Variants in MICAL3 observed in about 807,000 individuals in gnomAD.
MICAL3 encodes [F-actin]-monooxygenase MICAL3.
In MICAL3, 62 loss-of-function variants were observed where a neutral mutation model predicts 207.4. The observed-to-expected ratio is 0.30, with a 90% CI of 0.24 to 0.37. MICAL3 has a LOEUF of 0.37. Among genes scored for constraint, MICAL3 ranks in the 10% least tolerant of loss-of-function variants. MICAL3 has a pLI of 1.00. For missense variants in MICAL3, 2,368 were observed against 2,635.6 expected (o/e 0.90, Z 2.22); for synonymous variants, 1,077 against 1,069.3 (o/e 1.01, Z -0.14).
chr22:17,979,714 C>A (rs990261570), intron 1 of MICAL3, among the ~76,000 whole-genome samples: 2 of 151,936 alleles, frequency 1.3e-5, no homozygotes, highest in South Asian at 4.2e-4. Flanking sequence ...ACCAATCAGG[C>A]TGATCTCTGT....
intron 19 of MICAL3, chr22:17,861,967 A>AT (rs1192387626): frequency 1.2e-5 from 12 of 985,340 alleles, no homozygotes; most frequent in Non-Finnish European, 1.4e-5. Context: ...GAATTTTGGC[A>AT]TAAAAAGAAA....
chr22:17,806,307 C>T (rs1310181654), intron 29 of MICAL3, among the ~76,000 whole-genome samples: 1 of 152,206 alleles, frequency 6.6e-6, no homozygotes, highest in Non-Finnish European at 1.5e-5. Context: ...GTCAGCGAGT[C>T]CCTTTATGTA....
intron 1 of MICAL3, among the ~76,000 whole-genome samples, chr22:17,926,209 A>C (rs1932921912): frequency 6.6e-6 from 1 of 152,176 alleles, no homozygotes; most frequent in Non-Finnish European, 1.5e-5. Flanking sequence ...CCCGATATAC[A>C]ATCCAACTTC....
intron 1 of MICAL3, among the ~76,000 whole-genome samples, chr22:17,993,280 C>T (rs1315217685): frequency 1.3e-5 from 2 of 151,546 alleles, no homozygotes; most frequent in African/African-American, 2.4e-5. Context: ...CTTTAAGTTC[C>T]GGGATACATG....
At chr22:17,989,099 T>A (rs563685120) in intron 1 of MICAL3, among the ~76,000 whole-genome samples, 2 of 152,284 alleles carry the variant, frequency 1.3e-5, no homozygotes, top group Admixed American at 6.5e-5. Context: ...CGCTCTGTGT[T>A]CAAACCCCCG....
At chr22:17,951,992 G>A (rs1194115399) in intron 1 of MICAL3, among the ~76,000 whole-genome samples, 5 of 152,070 alleles carry the variant, frequency 3.3e-5, no homozygotes, top group South Asian at 2.1e-4. Context: ...CGACTGTGCC[G>A]GGCGTAAAAT....
chr22:17,906,685 G>C lies in MICAL3; in HGVS notation c.128C>G (p.Pro43Arg). The C allele has an allele frequency of 6.2e-7, 1 of 1,613,952 alleles. No homozygotes were observed. Among genetic ancestry groups the C allele is most frequent in the Middle Eastern group, 1.6e-4 (1 of 6,062 alleles). The change falls in exon 2 of 32, where the codon CCA becomes CGA. Residue 43 changes from proline to arginine, a missense_variant. This residue lies in a region of MICAL3 where 400 missense variants were observed against 547.0 expected (regional missense o/e 0.73). Transcript: ENST00000441493. ...QELCDHLELK[P>R]KDYRSFYHKL... ...GTGATAGAAGGAGCGGTAGTCCTTT[G>C]GCTTTAGTTCCAGGTGGTCACAGAG... is the stretch of plus-strand genomic sequence containing the variant.
intron 1 of MICAL3, among the ~76,000 whole-genome samples, chr22:17,990,438 C>T (rs5992950): frequency 0.017 from 2,636 of 152,284 alleles, 66 homozygotes; most frequent in African/African-American, 0.057. Context: ...CCAGCTGATG[C>T]GTGGGGTGCT....
intron 1 of MICAL3, among the ~76,000 whole-genome samples, chr22:17,946,591 A>G (rs900448081): frequency 2.6e-5 from 4 of 152,202 alleles, no homozygotes; most frequent in African/African-American, 9.6e-5. Context: ...ACATGCAGAC[A>G]GAGGCACTGC....
intron 19 of MICAL3, among the ~76,000 whole-genome samples, chr22:17,855,114 C>T (rs1003361): frequency 0.46 from 70,087 of 152,042 alleles, 17,089 homozygotes; most frequent in African/African-American, 0.62. Flanking sequence ...CTCTCTATGC[C>T]GAACCATGTT....
intron 29 of MICAL3, among the ~76,000 whole-genome samples, chr22:17,792,084 C>T (rs996540564): frequency 2.6e-5 from 4 of 152,222 alleles, no homozygotes; most frequent in African/African-American, 7.2e-5. Context: ...CAAACCTCCC[C>T]CAGGGACGGC....
chr22:17,848,401 C>G (rs534185210), intron 19 of MICAL3, among the ~76,000 whole-genome samples: 1 of 152,160 alleles, frequency 6.6e-6, no homozygotes, highest in East Asian at 1.9e-4. Flanking sequence ...GTGGCTGTTC[C>G]GAAACATTCG....
In MICAL3 at chr22:17,948,912, CA is replaced by C. The variant is rs112234424; in HGVS notation, c.-74-42027del. Among the ~76,000 whole-genome samples the C allele has an allele frequency of 2.6e-3, 282 of 106,534 alleles. 2 individuals carry two copies. The highest frequency in any genetic ancestry group is 6.3e-3 in the Middle Eastern group (1 of 158). 69.9% of individuals were successfully genotyped at this position (106,534 alleles called of 152,430 possible). A position where few individuals can be genotyped will look rare whatever the true frequency, so the allele number is the denominator to read the frequency against. ...TGGGTGACAAAGTGAGATGCTGCCT[CA>C]AAAAAAAAAAAAATTGGCCAGCACG... On this transcript the variant is annotated intron_variant, in intron 1 of 31. Coordinates refer to ENST00000441493, the MANE Select transcript of MICAL3 (RefSeq NM_015241.3).
intron 16 of MICAL3, among the ~76,000 whole-genome samples, chr22:17,881,911 C>T (rs989673967): frequency 6.6e-6 from 1 of 152,232 alleles, no homozygotes; most frequent in African/African-American, 2.4e-5. Context: ...CCCCCTCCAC[C>T]GTATTCCCTT....
chr22:17,857,849 G>A (rs560041136), intron 19 of MICAL3, among the ~76,000 whole-genome samples: 181 of 152,298 alleles, frequency 1.2e-3, no homozygotes, highest in Non-Finnish European at 2.1e-3. Context: ...GCCTATGCAC[G>A]GCATACTTCT....
In MICAL3 at chr22:17,928,450, AAG is replaced by A. The variant is rs1413185859; in HGVS notation, c.-74-21566_-74-21565del. On this transcript the variant is annotated intron_variant, in intron 1 of 31. Transcript: ENST00000441493. ...CAAGACTCCGTCTCAAAAAAAAAGAAAGAAAGAAAGAAAGAAAGAAACACCTG... is the reference window on the plus strand; with the variant it reads ...CAAGACTCCGTCTCAAAAAAAAAGAAAAAGAAAGAAAGAAAGAAACACCTG... Among the ~76,000 whole-genome samples the A allele has an allele frequency of 1.5e-3, 215 of 147,702 alleles. 3 individuals are homozygous for A. The highest frequency in any genetic ancestry group is 3.0e-3 in the African/African-American group (119 of 39,720).
intron 1 of MICAL3, among the ~76,000 whole-genome samples, chr22:17,911,441 C>T (rs187402249): frequency 2.1e-4 from 32 of 152,286 alleles, no homozygotes; most frequent in African/African-American, 7.0e-4. Context: ...AACACACCAG[C>T]GAACGTGCAA....
At chr22:17,918,996 C>A (rs1322364125) in intron 1 of MICAL3, among the ~76,000 whole-genome samples, 1 of 152,064 alleles carries the variant, frequency 6.6e-6, no homozygotes, top group Non-Finnish European at 1.5e-5. Flanking sequence ...ATCGTTTAAA[C>A]CTGCTCATCC....
rs1423684484 is a variant in MICAL3, at chr22:17,821,476, G to A, written c.3482C>T (p.Pro1161Leu). ...AATGAACAGAAGAGCTGATTCCTGG[G>A]GAGACCGGATGGGGCTGGTGGCTTG... is the stretch of plus-strand genomic sequence containing the variant. ...PSQATSPIRS[P>L]QESALLFIPV... is the part of the protein sequence containing the mutation. Residue 1161 changes from proline (P) to leucine (L), a missense_variant, in exon 25 of 32, where the codon CCC becomes CTC. Pro to Leu is a moderately conservative substitution (Grantham distance 98). Transcript: ENST00000441493. 1.3e-6 allele frequency: 2 copies of A among 1,544,528 alleles called. No individual in the cohort carries two copies. The highest frequency in any genetic ancestry group is 2.5e-5 in the East Asian group (1 of 40,284).
Sources: gnomAD v4.1 joint callset for allele counts (sites outside exome capture counted in the v4.1 genomes callset) on GRCh38, gnomAD v4.1.1 for gene constraint, gnomAD v4.1.1 regional missense constraint, MANE v1.5 for transcripts, NCBI Gene and HGNC (gene_info 2026-07-23, HGNC 2026-07-21) for gene names.